The following PFDN1 variants were observed in gnomAD, a reference collection of about 807,000 sequenced individuals.
The protein encoded by PFDN1 is prefoldin subunit 1.
A neutral mutation model predicts 17.3 loss-of-function variants in PFDN1; 6 were observed. The observed-to-expected ratio is 0.35, with a 90% CI of 0.19 to 0.69. The LOEUF (loss-of-function observed/expected upper bound fraction) is 0.69, where lower values mean the gene tolerates loss of function less well. Ranked by LOEUF, PFDN1 falls within the 30% of genes least tolerant of loss-of-function variation. PFDN1 has a pLI of 0.65. For synonymous variants in PFDN1, 58 were observed against 50.1 expected (o/e 1.16, Z -0.67); for missense variants, 113 against 146.2 (o/e 0.77, Z 1.17).
chr5:140,285,368 G>A (rs1359465999), intron 2 of PFDN1, among the ~76,000 whole-genome samples: 1 of 151,076 alleles, frequency 6.6e-6, no homozygotes, highest in East Asian at 1.9e-4. Context: ...AAAAAAGAAT[G>A]AGCCTATCTT....
At chr5:140,292,317 A>G (rs1765592414) in intron 2 of PFDN1, among the ~76,000 whole-genome samples, 1 of 152,222 alleles carries the variant, frequency 6.6e-6, no homozygotes, top group Non-Finnish European at 1.5e-5. Flanking sequence ...ACAGACAGAG[A>G]GCAGAGTACT....
chr5:140,300,216 T>C (rs916739718), intron 2 of PFDN1, among the ~76,000 whole-genome samples, 200 bp downstream of exon 2: 2 of 151,990 alleles, frequency 1.3e-5, no homozygotes, highest in Admixed American at 6.6e-5. Context: ...ATCTTTGTAT[T>C]TGTGGTAGAT....
intron 3 of PFDN1, among the ~76,000 whole-genome samples, chr5:140,248,859 T>G (rs572992815): frequency 6.6e-6 from 1 of 152,362 alleles, no homozygotes. Context: ...TTTGTTTTGT[T>G]TCTAGAAATG....
chr5:140,274,199 G>C (rs1268655407), intron 3 of PFDN1, among the ~76,000 whole-genome samples: 2 of 152,132 alleles, frequency 1.3e-5, no homozygotes, highest in African/African-American at 2.4e-5. Flanking sequence ...TCTATCAACA[G>C]TTTTAACTCA....
intron 2 of PFDN1, among the ~76,000 whole-genome samples, chr5:140,287,924 C>CT (rs1765521780): frequency 6.6e-6 from 1 of 152,210 alleles, no homozygotes; most frequent in South Asian, 2.1e-4. Context: ...ATCCCAAACA[C>CT]TGAGAACACC....
chr5:140,267,165 G>A (rs1252999511), intron 3 of PFDN1, among the ~76,000 whole-genome samples: 2 of 152,228 alleles, frequency 1.3e-5, no homozygotes, highest in Non-Finnish European at 2.9e-5. Flanking sequence ...ATGCTGCGGT[G>A]TGGGTTACAG....
At chr5:140,251,995 T>TC (rs1554071145) in intron 3 of PFDN1, among the ~76,000 whole-genome samples, 16 of 150,388 alleles carry the variant, frequency 1.1e-4, no homozygotes, top group African/African-American at 3.9e-4. Flanking sequence ...TTAGTTTTTT[T>TC]TTTCTTTCTT....
intron 3 of PFDN1, among the ~76,000 whole-genome samples, chr5:140,279,956 T>C (rs1319064262): frequency 1.6e-5 from 2 of 125,752 alleles, no homozygotes; most frequent in Non-Finnish European, 3.1e-5. Context: ...GATCACACCA[T>C]TGCACTTCAG....
Position 140,249,863 on chromosome 5 carries a change from C to A in PFDN1, c.286-3806G>T, listed in dbSNP as rs187649073. On this transcript the variant is annotated intron_variant, in intron 3 of 3. Coordinates refer to ENST00000261813, the MANE Select transcript of PFDN1 (RefSeq NM_002622.5). ...AAGCCATACACAAGAAACCCGCCCCCATAATCCAAACATCTCCCACCAGGC... is the reference window on the plus strand; with the variant it reads ...AAGCCATACACAAGAAACCCGCCCCAATAATCCAAACATCTCCCACCAGGC... Among the ~76,000 whole-genome samples the A allele has an allele frequency of 3.9e-5, 6 of 152,290 alleles. No homozygotes were observed. In the South Asian group the frequency reaches 6.2e-4, roughly 16 times the overall value.
chr5:140,260,592 A>G (rs1295099819), intron 3 of PFDN1, among the ~76,000 whole-genome samples: 1 of 149,960 alleles, frequency 6.7e-6, no homozygotes, highest in Non-Finnish European at 1.5e-5. Context: ...CCAGACACAG[A>G]AAGCTACATA....
At position 140,245,429 on chromosome 5, in the gene PFDN1, C is replaced by G; in HGVS notation, c.*545G>C. On this transcript the variant is annotated 3_prime_UTR_variant, in exon 4 of 4. Coordinates refer to ENST00000261813, the MANE Select transcript of PFDN1 (RefSeq NM_002622.5). ...TGAGATTCAGCTGTGAACATCTGTT[C>G]TTTCTTCCTCTTCTGTCTACTGCAT... 1.4e-6 allele frequency: 1 copy of G among 702,466 alleles called. No homozygotes were observed. The highest frequency in any genetic ancestry group is 2.6e-6 in the Non-Finnish European group (1 of 384,930). The allele number at this position is 702,466 out of a possible 1,614,324, so 43.5% of individuals were successfully genotyped here. A position where few individuals can be genotyped will look rare whatever the true frequency, so the allele number is the denominator to read the frequency against.
chr5:140,276,808 CTG>C (rs1395733031), intron 3 of PFDN1, among the ~76,000 whole-genome samples: 72 of 109,174 alleles, frequency 6.6e-4, no homozygotes, highest in African/African-American at 2.4e-3. Context: ...AAAAAAAAGA[CTG>C]AGAGTATTTT....
At chr5:140,253,869 G>A (rs1176197003) in intron 3 of PFDN1, among the ~76,000 whole-genome samples, 5 of 152,144 alleles carry the variant, frequency 3.3e-5, no homozygotes, top group Non-Finnish European at 5.9e-5. Context: ...GATCACCTGC[G>A]AACTTATTAG....
At chr5:140,288,356 C>T (rs760738731) in intron 2 of PFDN1, among the ~76,000 whole-genome samples, 7 of 151,872 alleles carry the variant, frequency 4.6e-5, no homozygotes, top group African/African-American at 1.2e-4. Context: ...TTTCAGAAAA[C>T]GCAAAACTAT....
At chr5:140,285,984 TAAA>T (rs1765481384) in intron 2 of PFDN1, among the ~76,000 whole-genome samples, 1 of 151,648 alleles carries the variant, frequency 6.6e-6, no homozygotes, top group Non-Finnish European at 1.5e-5. Flanking sequence ...AAAAAATAAA[TAAA>T]TTTTTTTAAA....
At chr5:140,251,125 G>C (rs1360264286) in intron 3 of PFDN1, among the ~76,000 whole-genome samples, 1 of 151,814 alleles carries the variant, frequency 6.6e-6, no homozygotes. Context: ...TAGTAGAGAC[G>C]GGGTTTCACC....
intron 2 of PFDN1, among the ~76,000 whole-genome samples, chr5:140,286,983 T>C (rs1765505196): frequency 6.6e-6 from 1 of 152,138 alleles, no homozygotes; most frequent in Admixed American, 6.5e-5. Flanking sequence ...TTGCCCAGCT[T>C]GTATGTATTA....
intron 2 of PFDN1, among the ~76,000 whole-genome samples, chr5:140,294,303 T>C (rs1451580114): frequency 6.6e-6 from 1 of 152,012 alleles, no homozygotes; most frequent in African/African-American, 2.4e-5. Flanking sequence ...ACAATATCAA[T>C]AATATTTACT....
At chr5:140,273,933 C>A (rs1180022338) in intron 3 of PFDN1, 2 of 981,184 alleles carry the variant, frequency 2.0e-6, no homozygotes, top group African/African-American at 3.5e-5. Flanking sequence ...TAACTGGCCT[C>A]CACCTGGAAC....
Sources: allele counts gnomAD v4.1 joint callset (sites outside exome capture counted in the v4.1 genomes callset), GRCh38; gene constraint gnomAD v4.1.1; transcripts MANE v1.5; gene names NCBI Gene and HGNC (gene_info 2026-07-23, HGNC 2026-07-21).